Variants in UNC13B observed in about 807,000 individuals in gnomAD.
UNC13B encodes protein unc-13 homolog B.
UNC13B carries 144 observed loss-of-function variants against 211.0 expected under a neutral mutation model. The observed-to-expected ratio is 0.68, with a 90% CI of 0.60 to 0.78. The LOEUF (loss-of-function observed/expected upper bound fraction) is 0.78, where lower values mean the gene tolerates loss of function less well. UNC13B is among the 30% of genes least tolerant of loss of function. The pLI is 0.00. For missense variants in UNC13B, 1,777 were observed against 2,002.0 expected (o/e 0.89, Z 2.14); for synonymous variants, 709 against 725.8 (o/e 0.98, Z 0.37).
At chr9:35,363,454 G>A (rs751868042) in intron 11 of UNC13B, among the ~76,000 whole-genome samples, 1 of 152,172 alleles carries the variant, frequency 6.6e-6, no homozygotes, top group Non-Finnish European at 1.5e-5. Flanking sequence ...TCCAGGGAGT[G>A]TCTTTCTCAT....
At chr9:35,336,824 A>G (rs184329009) in intron 11 of UNC13B, among the ~76,000 whole-genome samples, 1 of 152,322 alleles carries the variant, frequency 6.6e-6, no homozygotes, top group Admixed American at 6.5e-5. Context: ...AATTCAACCC[A>G]TTACAGGTAC....
chr9:35,262,202 T>A (rs1480012537), intron 7 of UNC13B, among the ~76,000 whole-genome samples: 1 of 152,108 alleles, frequency 6.6e-6, no homozygotes, highest in East Asian at 1.9e-4. Context: ...TTTCCTTCAT[T>A]CCTTTTCTTT....
chr9:35,206,938 C>T (rs78067211), intron 1 of UNC13B, among the ~76,000 whole-genome samples: 8,452 of 150,992 alleles, frequency 0.056, 367 homozygotes, highest in Admixed American at 0.083. Flanking sequence ...AGTTTGTTTA[C>T]CCATTCATTA....
chr9:35,207,555 G>A (rs1048723007), intron 1 of UNC13B, among the ~76,000 whole-genome samples: 2 of 150,380 alleles, frequency 1.3e-5, no homozygotes, highest in African/African-American at 4.9e-5. Flanking sequence ...GGCTAGTCAC[G>A]AACTCCTGGG....
chr9:35,348,297 T>C (rs935643100), intron 11 of UNC13B, among the ~76,000 whole-genome samples: 2 of 152,172 alleles, frequency 1.3e-5, no homozygotes, highest in Admixed American at 6.5e-5. Flanking sequence ...CTCACCAGCA[T>C]TGGAAAAATA....
intron 11 of UNC13B, among the ~76,000 whole-genome samples, chr9:35,322,589 T>C (rs1830793516): frequency 6.6e-6 from 1 of 152,148 alleles, no homozygotes; most frequent in Non-Finnish European, 1.5e-5. Flanking sequence ...GGGGCGATCA[T>C]TAAGACAGAG....
chr9:35,298,514 C>G (rs1395296860), intron 8 of UNC13B, among the ~76,000 whole-genome samples: 1 of 151,876 alleles, frequency 6.6e-6, no homozygotes, highest in South Asian at 2.1e-4. Context: ...GACACAGGGT[C>G]TTGCGTTGTT....
At chr9:35,209,707 G>C (rs1823861276) in intron 1 of UNC13B, among the ~76,000 whole-genome samples, 1 of 152,196 alleles carries the variant, frequency 6.6e-6, no homozygotes, top group Non-Finnish European at 1.5e-5. Flanking sequence ...ACTTGGCAAT[G>C]ATATAGTTCT....
chr9:35,384,156 C>T, intron 21 of UNC13B, 90 bp from the exon 22 acceptor site: 1 of 1,574,388 alleles, frequency 6.4e-7, no homozygotes, highest in Non-Finnish European at 8.6e-7. Context: ...TCTTTCTACT[C>T]ATCCAGGGGT....
At chr9:35,317,689 A>AT (rs543036863) in intron 11 of UNC13B, among the ~76,000 whole-genome samples, 7,201 of 125,522 alleles carry the variant, frequency 0.057, 264 homozygotes, top group Non-Finnish European at 0.082. Context: ...TGCCTGGCTA[A>AT]TTTTTTTTTT....
intron 7 of UNC13B, among the ~76,000 whole-genome samples, chr9:35,264,941 T>C (rs1397095640): frequency 6.6e-6 from 1 of 152,182 alleles, no homozygotes; most frequent in Admixed American, 6.5e-5. Context: ...ACATAACTTG[T>C]CTGGTTTCGC....
At chr9:35,398,153 G>T in intron 30 of UNC13B, 58 bp from the exon 31 acceptor site, 7 of 1,532,508 alleles carry the variant, frequency 4.6e-6, no homozygotes, top group Non-Finnish European at 6.2e-6. Flanking sequence ...GGGAACCTAG[G>T]CTAATGGGTC....
chr9:35,200,495 T>A (rs1165340614), intron 1 of UNC13B, among the ~76,000 whole-genome samples: 1 of 152,230 alleles, frequency 6.6e-6, no homozygotes, highest in Non-Finnish European at 1.5e-5. Context: ...ATTGTTTGTG[T>A]CCTCTTTTAT....
At chr9:35,355,208 A>G (rs574825021) in intron 11 of UNC13B, among the ~76,000 whole-genome samples, 1 of 152,340 alleles carries the variant, frequency 6.6e-6, no homozygotes, top group East Asian at 1.9e-4. Context: ...CAATACACAC[A>G]CTTATAATGT....
At chr9:35,379,637 A>T (rs536107902) in intron 17 of UNC13B, among the ~76,000 whole-genome samples, 202 of 152,194 alleles carry the variant, frequency 1.3e-3, no homozygotes, top group Non-Finnish European at 2.3e-3. Context: ...TAAACAGTTT[A>T]TTAAGCTCAT....
intron 6 of UNC13B, among the ~76,000 whole-genome samples, chr9:35,258,414 C>T (rs142625677): frequency 1.3e-5 from 2 of 152,184 alleles, no homozygotes; most frequent in African/African-American, 4.8e-5. Context: ...TCTTCAGTAC[C>T]GTGTACTTGT....
intron 11 of UNC13B, among the ~76,000 whole-genome samples, chr9:35,357,702 A>G (rs141423492): frequency 6.6e-6 from 1 of 151,974 alleles, no homozygotes; most frequent in East Asian, 1.9e-4. Context: ...AGCCTGGCCA[A>G]CATAGTGAGA....
intron 6 of UNC13B, among the ~76,000 whole-genome samples, chr9:35,254,900 GTATATAA>G (rs1826733961): frequency 9.5e-6 from 1 of 105,618 alleles, no homozygotes; most frequent in Admixed American, 1.3e-4. Flanking sequence ...TATAATATAC[GTATATAA>G]TATATAATAT....
rs1454823523 is a variant in UNC13B at position 35,300,648 on chromosome 9, TA to T, written c.1245del (p.Ala416GlnfsTer10). 2.5e-6 allele frequency: 1 copy of T among 398,888 alleles called. No individual in the cohort carries two copies. The highest frequency in any genetic ancestry group is 3.6e-5 in the East Asian group (1 of 28,088). The allele number at this position is 398,888 out of a possible 1,614,324, so 24.7% of individuals were successfully genotyped here. A position where few individuals can be genotyped will look rare whatever the true frequency, so the allele number is the denominator to read the frequency against. On this transcript the variant is annotated frameshift_variant, in exon 9 of 40. Coordinates refer to ENST00000635942, the MANE Select transcript of UNC13B (RefSeq NM_001371189.2). LOFTEE classifies it high-confidence loss of function. ...HIGDFPEEYY[V>X]ANSALPLQRM... ...GGAGATTTTCCTGAGGAATATTATG[TA>T]GCAAATTCAGCATTGCCATTACAAA...
Sources: gnomAD v4.1 joint callset for allele counts (sites outside exome capture counted in the v4.1 genomes callset) on GRCh38, gnomAD v4.1.1 for gene constraint, MANE v1.5 for transcripts, NCBI Gene and HGNC (gene_info 2026-07-23, HGNC 2026-07-21) for gene names.